Variants in KCNQ3 observed in about 807,000 individuals in gnomAD.
The protein encoded by KCNQ3 is potassium voltage-gated channel subfamily Q member 3.
A neutral mutation model predicts 92.5 loss-of-function variants in KCNQ3; 30 were observed. That is an observed-to-expected ratio of 0.32 (90% CI 0.24 to 0.44). KCNQ3 has a LOEUF of 0.44. Among genes scored for constraint, KCNQ3 ranks in the 20% least tolerant of loss-of-function variants. KCNQ3 has a pLI of 1.00. For synonymous variants in KCNQ3, 450 were observed against 468.8 expected (o/e 0.96, Z 0.52); for missense variants, 913 against 1,140.3 (o/e 0.80, Z 2.87).
At chr8:132,434,891 C>T (rs1292469834) in intron 1 of KCNQ3, among the ~76,000 whole-genome samples, 1 of 152,204 alleles carries the variant, frequency 6.6e-6, no homozygotes, top group East Asian at 1.9e-4. Flanking sequence ...CTCTTAAAGG[C>T]TAGGTAGGGG....
rs1486201174 is a variant in KCNQ3, at chr8:132,233,556, G to A, written c.387-47375C>T. Among the ~76,000 whole-genome samples the A allele has an allele frequency of 3.9e-5, 6 of 152,112 alleles. 1 individual carries two copies. The highest frequency in any genetic ancestry group is 3.9e-4 in the Admixed American group (6 of 15,264). ...TTGACTCATGGCTAATATATCACCA[G>A]GACAGCCTACTCTAAAAGCATCAAT... On this transcript the variant is annotated intron_variant, in intron 1 of 14. Transcript: ENST00000388996.
At chr8:132,200,187 C>A (rs545698064) in intron 1 of KCNQ3, among the ~76,000 whole-genome samples, 1 of 152,236 alleles carries the variant, frequency 6.6e-6, no homozygotes, top group African/African-American at 2.4e-5. Context: ...TATATCATAT[C>A]CCTATCCATC....
At chr8:132,448,210 G>C (rs748074909) in intron 1 of KCNQ3, among the ~76,000 whole-genome samples, 8 of 152,092 alleles carry the variant, frequency 5.3e-5, no homozygotes, top group East Asian at 1.9e-4. Context: ...GGGGAATAAG[G>C]GTTCTGCAGT....
rs548032881 is a variant in KCNQ3, at chr8:132,226,044, G to T, written c.387-39863C>A. Reference sequence around the variant, plus strand: ...CCCAGCACTTTGGGAGGCCAAGGCGGGTGGATCACAAGGTCAGGAGATAGA... The same window carrying T: ...CCCAGCACTTTGGGAGGCCAAGGCGTGTGGATCACAAGGTCAGGAGATAGA... On this transcript the variant is annotated intron_variant, in intron 1 of 14. Coordinates refer to ENST00000388996, the MANE Select transcript of KCNQ3 (RefSeq NM_004519.4). Among the ~76,000 whole-genome samples the T allele has an allele frequency of 5.3e-5, 8 of 152,252 alleles. No individual in the cohort carries two copies. The East Asian group carries it at 1.5e-3, about 29-fold the overall frequency.
At chr8:132,230,238 A>G (rs1814588214) in intron 1 of KCNQ3, among the ~76,000 whole-genome samples, 1 of 152,152 alleles carries the variant, frequency 6.6e-6, no homozygotes, top group Non-Finnish European at 1.5e-5. Context: ...GAAGCTGCAA[A>G]GTCCTCATTT....
rs1175836160 is a variant in KCNQ3, at chr8:132,134,551, TGAGGAGAG to T, written c.1701-171_1701-164del. The stretch of plus-strand genomic sequence containing the variant: ...AGAGGAGAGGGGAGGAGAGGAGAAG[TGAGGAGAG>T]GAGAGGGGAGGAGAGGAGAGGAAAG... On this transcript the variant is annotated intron_variant, in intron 12 of 14. Coordinates refer to ENST00000388996, the MANE Select transcript of KCNQ3 (RefSeq NM_004519.4). Among the ~76,000 whole-genome samples, 3 of 142,384 alleles carry T rather than the reference TGAGGAGAG, an allele frequency of 2.1e-5. No individual in the cohort carries two copies. In the East Asian group the frequency reaches 6.4e-4, roughly 31 times the overall value. 93.4% of individuals were successfully genotyped at this position (142,384 alleles called of 152,430 possible). A position where few individuals can be genotyped will look rare whatever the true frequency, so the allele number is the denominator to read the frequency against.
Position 132,129,953 on chromosome 8 carries a change from T to C in KCNQ3, c.1928A>G (p.His643Arg). 1 of 1,614,060 alleles carries C rather than the reference T, an allele frequency of 6.2e-7. No individual in the cohort carries two copies. Among genetic ancestry groups the C allele is most frequent in the Non-Finnish European group, 8.5e-7 (1 of 1,180,038 alleles). The change falls in exon 15 of 15, where the codon CAC becomes CGC. Residue 643 changes from histidine (H) to arginine (R), a missense_variant. His to Arg is a conservative substitution (Grantham distance 29, BLOSUM62 0). This residue lies in a region of KCNQ3 where 375 missense variants were observed against 376.4 expected (regional missense o/e 1.00). Coordinates refer to ENST00000388996, the MANE Select transcript of KCNQ3 (RefSeq NM_004519.4). This position sits in a 1 kb window ranked among gnomAD's most constrained non-coding sequence, Gnocchi z 5.9. Reference protein sequence around the residue: ...GKKLDFLVDMHMQHMERLQVQ... With the variant: ...GKKLDFLVDMRMQHMERLQVQ... ...CTGCAACCGTTCCATGTGTTGCATG[T>C]GCATATCCACGAGGAAGTCCAGCTT...
chr8:132,256,439 T>C (rs1431527636), intron 1 of KCNQ3, among the ~76,000 whole-genome samples: 2 of 152,088 alleles, frequency 1.3e-5, no homozygotes, highest in Non-Finnish European at 2.9e-5. Flanking sequence ...TCAAAAGTAT[T>C]TGAAGAAATA....
chr8:132,229,116 T>G (rs544548169), intron 1 of KCNQ3, among the ~76,000 whole-genome samples: 2 of 152,130 alleles, frequency 1.3e-5, no homozygotes, highest in South Asian at 2.1e-4. Context: ...TAGCTGGGCG[T>G]GGTGGCACAT....
chr8:132,181,599 T>C (rs1826779055), intron 3 of KCNQ3, among the ~76,000 whole-genome samples: 1 of 152,178 alleles, frequency 6.6e-6, no homozygotes, highest in Admixed American at 6.5e-5. Context: ...ATTTGTCCAC[T>C]GGGAAAAGTC....
chr8:132,369,243 T>A (rs1460188966), intron 1 of KCNQ3, among the ~76,000 whole-genome samples: 1 of 152,210 alleles, frequency 6.6e-6, no homozygotes, highest in Non-Finnish European at 1.5e-5. Context: ...TTCTTAGGTT[T>A]CTGTATATGA....
chr8:132,221,325 A>C (rs1814225371), intron 1 of KCNQ3, among the ~76,000 whole-genome samples: 1 of 152,246 alleles, frequency 6.6e-6, no homozygotes, highest in Non-Finnish European at 1.5e-5. Context: ...CTTTGGGTAT[A>C]TACCCAGTAA....
At position 132,140,218 on chromosome 8, in the gene KCNQ3, C is replaced by T; in HGVS notation, c.1466-40G>A. On this transcript the variant is annotated intron_variant, in intron 10 of 14. Coordinates refer to ENST00000388996, the MANE Select transcript of KCNQ3 (RefSeq NM_004519.4). Reference sequence around the variant, plus strand: ...CACATATGAACGGCAGGCCACAGACCTGGAAAAGGCTTGGGGACCCCACTG... The same window carrying T: ...CACATATGAACGGCAGGCCACAGACTTGGAAAAGGCTTGGGGACCCCACTG... The T allele has an allele frequency of 3.3e-6, 5 of 1,494,458 alleles. No individual in the cohort carries two copies. The South Asian group carries it at 5.7e-5, about 17-fold the overall frequency. 92.6% of individuals were successfully genotyped at this position (1,494,458 alleles called of 1,614,324 possible). A position where few individuals can be genotyped will look rare whatever the true frequency, so the allele number is the denominator to read the frequency against.
intron 1 of KCNQ3, among the ~76,000 whole-genome samples, chr8:132,423,716 G>GT (rs770238363): frequency 4.6e-5 from 7 of 152,194 alleles, no homozygotes; most frequent in Non-Finnish European, 1.0e-4. Context: ...TCACACAGCT[G>GT]TAAGTGGCAG....
chr8:132,253,186 C>T (rs1425606041), intron 1 of KCNQ3, among the ~76,000 whole-genome samples: 1 of 152,132 alleles, frequency 6.6e-6, no homozygotes, highest in East Asian at 1.9e-4. Context: ...CCCACTTACT[C>T]CCCAGGAGTT....
At chr8:132,376,099 C>T (rs546146650) in intron 1 of KCNQ3, among the ~76,000 whole-genome samples, 1 of 152,250 alleles carries the variant, frequency 6.6e-6, no homozygotes, top group East Asian at 1.9e-4. Flanking sequence ...GCCTAGCATG[C>T]CAGATTTATT....
intron 1 of KCNQ3, among the ~76,000 whole-genome samples, chr8:132,242,947 A>G (rs1815042660): frequency 6.6e-6 from 1 of 152,190 alleles, no homozygotes; most frequent in Non-Finnish European, 1.5e-5. Context: ...TTAGACAGAG[A>G]GGCTACCTCT....
Position 132,130,128 on chromosome 8 carries a change from G to A in KCNQ3, c.1885-132C>T, listed in dbSNP as rs1281265396. 5.4e-6 allele frequency: 6 copies of A among 1,106,900 alleles called. No homozygotes were observed. In the African/African-American group the frequency reaches 6.4e-5, roughly 12 times the overall value. 68.6% of individuals were successfully genotyped at this position (1,106,900 alleles called of 1,614,324 possible). A position where few individuals can be genotyped will look rare whatever the true frequency, so the allele number is the denominator to read the frequency against. ...GACGAAGTCTCAGTCTGTCACCCAGGCTGGAGTGCAGTGGCGCGATCTGGG... is the reference window on the plus strand; with the variant it reads ...GACGAAGTCTCAGTCTGTCACCCAGACTGGAGTGCAGTGGCGCGATCTGGG... On this transcript the variant is annotated intron_variant, in intron 14 of 14. Coordinates refer to ENST00000388996, the MANE Select transcript of KCNQ3 (RefSeq NM_004519.4).
chr8:132,345,998 A>G (rs1443573689), intron 1 of KCNQ3, among the ~76,000 whole-genome samples: 1 of 151,906 alleles, frequency 6.6e-6, no homozygotes, highest in Non-Finnish European at 1.5e-5. Flanking sequence ...TGGGATGGTG[A>G]TGATGACAAT....
Sources: gnomAD v4.1 joint callset for allele counts (sites outside exome capture counted in the v4.1 genomes callset) on GRCh38, gnomAD v4.1.1 for gene constraint, gnomAD v4.1.1 regional missense constraint, Gnocchi (gnomAD v3.1) non-coding constraint, MANE v1.5 for transcripts, NCBI Gene and HGNC (gene_info 2026-07-23, HGNC 2026-07-21) for gene names.